Variants in PRKN observed in about 807,000 individuals in gnomAD.
The protein encoded by PRKN is E3 ubiquitin-protein ligase parkin.
In PRKN, 56 loss-of-function variants were observed where a neutral mutation model predicts 59.5. The ratio of observed to expected loss-of-function variants is 0.94; its 90% CI spans 0.76 to 1.18. The LOEUF (loss-of-function observed/expected upper bound fraction) is 1.18. Among genes scored for constraint, PRKN ranks in the 50% most tolerant of loss-of-function variants. PRKN has a pLI of 0.00. For missense variants in PRKN, 657 were observed against 596.4 expected (o/e 1.10, Z -1.06); for synonymous variants, 250 against 222.1 (o/e 1.13, Z -1.12).
intron 1 of PRKN, among the ~76,000 whole-genome samples, chr6:162,601,870 C>T (rs1284517763): frequency 1.3e-5 from 2 of 152,126 alleles, no homozygotes; most frequent in Non-Finnish European, 2.9e-5. Context: ...ATGAATTTAT[C>T]GTATCTTTAA....
intron 2 of PRKN, among the ~76,000 whole-genome samples, chr6:162,433,589 C>T (rs1341139441): frequency 6.6e-6 from 1 of 152,068 alleles, no homozygotes; most frequent in Non-Finnish European, 1.5e-5. Flanking sequence ...CTCCAAGGTA[C>T]AAAACAGGTA....
chr6:162,543,985 A>T (rs1294188482), intron 1 of PRKN, among the ~76,000 whole-genome samples: 1 of 152,132 alleles, frequency 6.6e-6, no homozygotes, highest in Non-Finnish European at 1.5e-5. Flanking sequence ...AGCAAAATCA[A>T]AATTCTTCTT....
intron 5 of PRKN, among the ~76,000 whole-genome samples, chr6:162,018,452 G>A (rs1488033940): frequency 6.6e-6 from 1 of 152,050 alleles, no homozygotes. Context: ...AATGATGAGA[G>A]GAGCCATTTT....
intron 9 of PRKN, among the ~76,000 whole-genome samples, chr6:161,398,714 G>C (rs1786891289): frequency 6.6e-6 from 1 of 152,162 alleles, no homozygotes; most frequent in Non-Finnish European, 1.5e-5. Context: ...TGTGTGAATG[G>C]TAAGGCACTG....
chr6:162,697,123 T>C (rs533280386), intron 1 of PRKN, among the ~76,000 whole-genome samples: 1 of 152,242 alleles, frequency 6.6e-6, no homozygotes, highest in African/African-American at 2.4e-5. Flanking sequence ...GAGTGGGTAA[T>C]TGAGGATATA....
intron 7 of PRKN, among the ~76,000 whole-genome samples, chr6:161,626,969 C>T (rs1400145593): frequency 6.6e-6 from 1 of 152,118 alleles, no homozygotes; most frequent in Non-Finnish European, 1.5e-5. Context: ...TCTTTACATC[C>T]CCTTGTTACC....
chr6:162,250,162 T>C (rs7756070), intron 3 of PRKN, among the ~76,000 whole-genome samples: 33,026 of 145,968 alleles, frequency 0.23, 4,443 homozygotes, highest in African/African-American at 0.39. Context: ...AACAAACAAA[T>C]GAAAACCGTT....
chr6:161,481,467 GGTGGCGT>G (rs1791394315), intron 9 of PRKN, among the ~76,000 whole-genome samples: 2 of 152,252 alleles, frequency 1.3e-5, no homozygotes, highest in South Asian at 4.2e-4. Context: ...AGCTGGGCAT[GGTGGCGT>G]GTGCCTGTAG....
chr6:162,424,271 G>GCA (rs1298317151), intron 2 of PRKN, among the ~76,000 whole-genome samples: 1 of 152,124 alleles, frequency 6.6e-6, no homozygotes, highest in Non-Finnish European at 1.5e-5. Flanking sequence ...ATGAGGTAGA[G>GCA]CACAGAAAAT....
intron 7 of PRKN, among the ~76,000 whole-genome samples, chr6:161,673,703 A>G (rs1784990282): frequency 6.6e-6 from 1 of 152,146 alleles, no homozygotes; most frequent in Non-Finnish European, 1.5e-5. Context: ...GTAATCCAGG[A>G]AACAGCCCAT....
intron 9 of PRKN, among the ~76,000 whole-genome samples, chr6:161,427,400 G>A (rs952577459): frequency 6.6e-6 from 1 of 152,222 alleles, no homozygotes; most frequent in Middle Eastern, 3.4e-3. Flanking sequence ...GGAGGAAACT[G>A]AGGCACACAA....
At chr6:162,391,649 C>T (rs538448778) in intron 2 of PRKN, among the ~76,000 whole-genome samples, 29 of 152,258 alleles carry the variant, frequency 1.9e-4, no homozygotes, top group Middle Eastern at 3.4e-3. Flanking sequence ...ACATGCTTGA[C>T]GTGGATTTCG....
chr6:162,466,995 A>G (rs1791447668), intron 1 of PRKN, among the ~76,000 whole-genome samples: 2 of 152,174 alleles, frequency 1.3e-5, no homozygotes, highest in Admixed American at 6.5e-5. Flanking sequence ...GAAAAAATTA[A>G]CAAATCTGGT....
intron 1 of PRKN, among the ~76,000 whole-genome samples, chr6:162,467,583 T>C (rs910317079): frequency 1.3e-5 from 2 of 152,296 alleles, no homozygotes. Flanking sequence ...TCCATCTGCA[T>C]TGTCGTGACC....
chr6:161,370,604 A>AAAAAAAAAAAAAAAAAAAAAAAAAC (rs1785405616), intron 10 of PRKN, among the ~76,000 whole-genome samples: 1 of 150,656 alleles, frequency 6.6e-6, no homozygotes, highest in African/African-American at 2.5e-5. Context: ...AAAAAAAAAA[A>AAAAAAAAAAAAAAAAAAAAAAAAAC]AAAAAAAGCC....
chr6:161,630,662 A>C (rs956619100), intron 7 of PRKN, among the ~76,000 whole-genome samples: 1 of 152,126 alleles, frequency 6.6e-6, no homozygotes, highest in Admixed American at 6.6e-5. Flanking sequence ...CGCTCTCTGG[A>C]TACCCTCTCC....
rs151206637 is a variant in PRKN, at chr6:161,366,432, A to G, written c.1168-6227T>C. On this transcript the variant is annotated intron_variant, in intron 10 of 11. Transcript: ENST00000366898. ...AGGTCAGAGACAGAGAAGAAAGCCT[A>G]GGGAAGAGAAAATACCCCAAACCCT... 1.8e-3 allele frequency among the ~76,000 whole-genome samples: 280 copies of G among 152,314 alleles called. 1 individual carries two copies. Among genetic ancestry groups the G allele is most frequent in the Non-Finnish European group, 3.3e-3 (224 of 68,018 alleles).
In PRKN at chr6:161,450,824, G is replaced by T. The variant is rs373209515; in HGVS notation, c.1084-63947C>A. ...CCCACCCTGGCCTCCCAAAGTGCTG[G>T]GATTACAGGCGTGAGCCACCATGCC... is the stretch of plus-strand genomic sequence containing the variant. On this transcript the variant is annotated intron_variant, in intron 9 of 11. Coordinates refer to ENST00000366898, the MANE Select transcript of PRKN (RefSeq NM_004562.3). 2.0e-4 allele frequency among the ~76,000 whole-genome samples: 30 copies of T among 152,068 alleles called. No homozygotes were observed. The East Asian group carries it at 5.4e-3, about 27-fold the overall frequency.
intron 6 of PRKN, among the ~76,000 whole-genome samples, chr6:161,881,819 C>T (rs1459625789): frequency 6.6e-6 from 1 of 152,128 alleles, no homozygotes; most frequent in African/African-American, 2.4e-5. Context: ...AGTCGTGGCT[C>T]CTTTGCTCCC....
Sources: gnomAD v4.1 joint callset for allele counts (sites outside exome capture counted in the v4.1 genomes callset) on GRCh38, gnomAD v4.1.1 for gene constraint, MANE v1.5 for transcripts, NCBI Gene and HGNC (gene_info 2026-07-23, HGNC 2026-07-21) for gene names.